Variants in CNTNAP2 observed in about 807,000 individuals in gnomAD.
CNTNAP2 encodes contactin associated protein 2, also known as contactin-associated protein-like 2.
A neutral mutation model predicts 155.2 loss-of-function variants in CNTNAP2; 98 were observed. That is an observed-to-expected ratio of 0.63 (90% confidence interval 0.54 to 0.75). The LOEUF (loss-of-function observed/expected upper bound fraction) is 0.75. CNTNAP2 is among the 30% of genes least tolerant of loss of function. The pLI, the probability that CNTNAP2 is intolerant of heterozygous loss-of-function variation, is 0.00. For missense variants in CNTNAP2, 1,727 were observed against 1,688.1 expected, an observed-to-expected ratio of 1.02 and a Z score of -0.40; for synonymous variants, 651 against 631.2, an observed-to-expected ratio of 1.03 and a Z score of -0.47.
intron 17 of CNTNAP2, among the ~76,000 whole-genome samples, chr7:148,164,860 C>A (rs550074946): frequency 1.9e-4 from 28 of 151,348 alleles, no homozygotes; most frequent in African/African-American, 6.6e-4. Context: ...GTTGGCCAGG[C>A]TGGTCTCAAA....
At chr7:146,303,816 T>G (rs1356415075) in intron 1 of CNTNAP2, among the ~76,000 whole-genome samples, 1 of 152,166 alleles carries the variant, frequency 6.6e-6, no homozygotes, top group African/African-American at 2.4e-5. Flanking sequence ...AATTCCTGGA[T>G]ATCCTTTTTA....
At chr7:148,098,717 C>T (rs766088819) in intron 15 of CNTNAP2, among the ~76,000 whole-genome samples, 11 of 152,138 alleles carry the variant, frequency 7.2e-5, no homozygotes, top group Non-Finnish European at 1.6e-4. Flanking sequence ...AAGGTCTTTA[C>T]GTGCTATGTA....
At chr7:146,798,050 G>A (rs929944181) in intron 2 of CNTNAP2, among the ~76,000 whole-genome samples, 1 of 152,100 alleles carries the variant, frequency 6.6e-6, no homozygotes, top group Non-Finnish European at 1.5e-5. Flanking sequence ...GAGGTGGGAG[G>A]ATCACTTGAG....
chr7:147,038,498 T>G (rs1799200190), intron 3 of CNTNAP2, among the ~76,000 whole-genome samples: 1 of 152,226 alleles, frequency 6.6e-6, no homozygotes, highest in South Asian at 2.1e-4. Context: ...TCAAATGATG[T>G]CATCGCAGAT....
chr7:148,253,023 T>C (rs1275817588), intron 20 of CNTNAP2, among the ~76,000 whole-genome samples: 2 of 126,532 alleles, frequency 1.6e-5, no homozygotes, highest in East Asian at 2.2e-4. Flanking sequence ...GATAGATAGA[T>C]AGATAGATAG....
chr7:148,052,498 G>A (rs1802912652), intron 15 of CNTNAP2, among the ~76,000 whole-genome samples: 1 of 152,082 alleles, frequency 6.6e-6, no homozygotes, highest in Admixed American at 6.6e-5. Flanking sequence ...AAATGGTGAG[G>A]CATTTTTGAC....
chr7:147,599,061 A>C (rs557807788), intron 12 of CNTNAP2, among the ~76,000 whole-genome samples: 1 of 152,342 alleles, frequency 6.6e-6, no homozygotes, highest in South Asian at 2.1e-4. Context: ...TTGGGCTAAA[A>C]TAAACTGTCC....
intron 18 of CNTNAP2, chr7:148,189,743 C>G (rs191757659): frequency 6.6e-6 from 1 of 152,320 alleles, no homozygotes; most frequent in Admixed American, 6.5e-5. Context: ...GCTGCTATAG[C>G]GGACTGCCAT....
intron 3 of CNTNAP2, among the ~76,000 whole-genome samples, chr7:146,970,361 C>CAAGAA (rs1355103371): frequency 6.6e-6 from 1 of 151,784 alleles, no homozygotes; most frequent in African/African-American, 2.4e-5. Flanking sequence ...AACAAATTTA[C>CAAGAA]AAGAAAAAAA....
rs183979152 is a variant in CNTNAP2, at chr7:146,698,010, C to G, written c.98-76261C>G. ...GTTTGCAATATACATTTGCAATATA[C>G]ATTTGCAATAATCCAAGTCCACTTT... is the stretch of plus-strand genomic sequence containing the variant. On this transcript the variant is annotated intron_variant, in intron 1 of 23. Coordinates refer to ENST00000361727, the MANE Select transcript of CNTNAP2 (RefSeq NM_014141.6). 1.2e-3 allele frequency among the ~76,000 whole-genome samples: 189 copies of G among 152,230 alleles called. 1 individual carries two copies. Among genetic ancestry groups the G allele is most frequent in the Non-Finnish European group, 2.0e-3 (134 of 68,016 alleles).
intron 16 of CNTNAP2, among the ~76,000 whole-genome samples, chr7:148,135,042 C>A (rs1271645135): frequency 6.6e-6 from 1 of 151,750 alleles, no homozygotes; most frequent in Non-Finnish European, 1.5e-5. Flanking sequence ...GACTCCATAA[C>A]AATATTTTTT....
intron 1 of CNTNAP2, among the ~76,000 whole-genome samples, chr7:146,243,759 A>G (rs1438975383): frequency 6.6e-6 from 1 of 152,188 alleles, no homozygotes. Flanking sequence ...TCAGTTTAGA[A>G]TGAGTCCTAA....
intron 2 of CNTNAP2, among the ~76,000 whole-genome samples, chr7:146,816,052 G>A (rs1803164062): frequency 6.6e-6 from 1 of 152,140 alleles, no homozygotes; most frequent in South Asian, 2.1e-4. Context: ...CAGAATGATA[G>A]TTGCCAGCTT....
chr7:146,246,132 G>T (rs1329377505), intron 1 of CNTNAP2, among the ~76,000 whole-genome samples: 6 of 151,170 alleles, frequency 4.0e-5, no homozygotes, highest in Non-Finnish European at 7.4e-5. Flanking sequence ...ATGTGATATT[G>T]GCATTGAGTG....
At chr7:147,916,702 CA>C (rs1431696960) in intron 14 of CNTNAP2, among the ~76,000 whole-genome samples, 1 of 148,438 alleles carries the variant, frequency 6.7e-6, no homozygotes, top group Non-Finnish European at 1.5e-5. Flanking sequence ...GCATTCTGCC[CA>C]AAAAATCAAT....
intron 10 of CNTNAP2, among the ~76,000 whole-genome samples, chr7:147,484,359 A>G (rs73459461): frequency 0.02 from 3,002 of 152,214 alleles, 108 homozygotes; most frequent in African/African-American, 0.069. Flanking sequence ...TCTCAACCTA[A>G]AAGCTTTTAA....
rs1798934133 is a variant in CNTNAP2 at position 147,851,275 on chromosome 7, G to A, written c.2099-52290G>A. Among the ~76,000 whole-genome samples, 5 of 152,282 alleles carry A rather than the reference G, an allele frequency of 3.3e-5. No homozygotes were observed. The South Asian group carries it at 1.0e-3, about 32-fold the overall frequency. On this transcript the variant is annotated intron_variant, in intron 13 of 23. Coordinates refer to ENST00000361727, the MANE Select transcript of CNTNAP2 (RefSeq NM_014141.6). ...ATCATTAAAAAGTCAGGAAACAACAGGTGCTGGAGAGGATGTGGAGAAATA... is the reference window on the plus strand; with the variant it reads ...ATCATTAAAAAGTCAGGAAACAACAAGTGCTGGAGAGGATGTGGAGAAATA...
At chr7:148,210,234 G>A (rs4526286) in intron 18 of CNTNAP2, among the ~76,000 whole-genome samples, 88,527 of 152,020 alleles carry the variant, frequency 0.58, 26,338 homozygotes, top group African/African-American at 0.7. Flanking sequence ...TGCAATCCAC[G>A]ACTTTTGATT....
At chr7:148,380,805 T>C (rs1043120183) in intron 21 of CNTNAP2, among the ~76,000 whole-genome samples, 1 of 152,206 alleles carries the variant, frequency 6.6e-6, no homozygotes, top group African/African-American at 2.4e-5. Context: ...CCCCCCATCA[T>C]GTACTGCCCT....
Sources: allele counts gnomAD v4.1 joint callset (sites outside exome capture counted in the v4.1 genomes callset), GRCh38; gene constraint gnomAD v4.1.1; transcripts MANE v1.5; gene names NCBI Gene and HGNC (gene_info 2026-07-23, HGNC 2026-07-21).